CUL1: variants seen among roughly 807,000 people sequenced by gnomAD.
The protein encoded by CUL1 is cullin-1.
A neutral mutation model predicts 118.0 loss-of-function variants in CUL1; 24 were observed. The ratio of observed to expected loss-of-function variants is 0.20; its 90% CI spans 0.15 to 0.29. The LOEUF (loss-of-function observed/expected upper bound fraction) is 0.29. Ranked by LOEUF, CUL1 falls within the 10% of genes least tolerant of loss-of-function variation. The pLI is 1.00. For missense variants in CUL1, 361 were observed against 933.8 expected (o/e 0.39, Z 7.99); for synonymous variants, 332 against 340.4 (o/e 0.98, Z 0.27).
intron 1 of CUL1, among the ~76,000 whole-genome samples, chr7:148,720,628 AG>A (rs1563149623): frequency 1.3e-5 from 2 of 152,230 alleles, no homozygotes; most frequent in Non-Finnish European, 2.9e-5. Flanking sequence ...CGTAACTCCT[AG>A]GATTCCAAGC....
At chr7:148,722,250 G>A (rs1358465197) in intron 1 of CUL1, among the ~76,000 whole-genome samples, 3 of 152,080 alleles carry the variant, frequency 2.0e-5, no homozygotes, top group African/African-American at 7.2e-5. Flanking sequence ...ACTAACACAG[G>A]CCATCAGGTC....
At chr7:148,756,937 A>T in intron 3 of CUL1, 46 bp from the exon 4 acceptor site, 1 of 1,341,976 alleles carries the variant, frequency 7.5e-7, no homozygotes, top group Non-Finnish European at 1.0e-6. Flanking sequence ...TTAATTTATA[A>T]TGTGACAAAT....
At chr7:148,746,926 A>C (rs1178768694) in intron 2 of CUL1, among the ~76,000 whole-genome samples, 1 of 152,180 alleles carries the variant, frequency 6.6e-6, no homozygotes, top group Admixed American at 6.5e-5. Context: ...CTTCAGGTGG[A>C]CCCGAGAGTG....
At chr7:148,774,090 A>T (rs1800317272) in intron 9 of CUL1, among the ~76,000 whole-genome samples, 1 of 152,260 alleles carries the variant, frequency 6.6e-6, no homozygotes, top group Non-Finnish European at 1.5e-5. Context: ...AAATAAGGAT[A>T]TGAGACACAA....
chr7:148,770,402 AAGTT>A (rs1265256479), intron 9 of CUL1, among the ~76,000 whole-genome samples: 2 of 152,324 alleles, frequency 1.3e-5, no homozygotes, highest in African/African-American at 4.8e-5. Context: ...TTTTTTTAGT[AAGTT>A]ACTGATTCTA....
intron 3 of CUL1, among the ~76,000 whole-genome samples, chr7:148,755,542 T>A (rs1799627220): frequency 6.6e-6 from 1 of 152,226 alleles, no homozygotes; most frequent in Non-Finnish European, 1.5e-5. Flanking sequence ...CCCCAAATGG[T>A]GTTTCTAAGG....
chr7:148,779,414 T>G lies in CUL1; in HGVS notation c.1084-4369T>G, dbSNP rs1800534486. Among the ~76,000 whole-genome samples, 3 of 152,138 alleles carry G rather than the reference T, an allele frequency of 2.0e-5. No homozygotes were observed. The South Asian group carries it at 6.2e-4, about 32-fold the overall frequency. On this transcript the variant is annotated intron_variant, in intron 9 of 21. Coordinates refer to ENST00000325222, the MANE Select transcript of CUL1 (RefSeq NM_003592.3). ...GTCTTAACAGGGCAGCCTCGGCCTA[T>G]CTTGGAAATTCAGAGAAAGCATCCC... is the stretch of plus-strand genomic sequence containing the variant.
At chr7:148,702,673 CTT>C (rs1246060138) in intron 1 of CUL1, among the ~76,000 whole-genome samples, 5 of 152,152 alleles carry the variant, frequency 3.3e-5, no homozygotes, top group African/African-American at 7.2e-5. Flanking sequence ...GGATCTGACT[CTT>C]TGCCTTTTCT....
intron 4 of CUL1, among the ~76,000 whole-genome samples, chr7:148,758,349 CT>C (rs1260875543): frequency 1.3e-5 from 2 of 152,190 alleles, no homozygotes; most frequent in African/African-American, 4.8e-5. Context: ...TGTAGCTTCA[CT>C]TTTGACAAAT....
At chr7:148,791,682 C>T (rs1801014366) in intron 16 of CUL1, among the ~76,000 whole-genome samples, 1 of 152,242 alleles carries the variant, frequency 6.6e-6, no homozygotes, top group African/African-American at 2.4e-5. Context: ...TGTCTGTGGG[C>T]CGCCCTGAAA....
At chr7:148,759,082 T>G (rs17537343) in intron 4 of CUL1, among the ~76,000 whole-genome samples, 7,389 of 152,286 alleles carry the variant, frequency 0.049, 273 homozygotes, top group Middle Eastern at 0.078. Context: ...TTAAAGAAAA[T>G]GTAAATAAAG....
rs1734407537 is a variant in CUL1 at position 148,786,698 on chromosome 7, A to C, written c.1347+99A>C. The C allele has an allele frequency of 1.1e-5, 11 of 1,026,320 alleles. No homozygotes were observed. The South Asian group carries it at 1.4e-4, about 13-fold the overall frequency. The allele number at this position is 1,026,320 out of a possible 1,614,324, so 63.6% of individuals were successfully genotyped here. On this transcript the variant is annotated intron_variant, in intron 12 of 21. Coordinates refer to ENST00000325222, the MANE Select transcript of CUL1 (RefSeq NM_003592.3). ...TGGCCTCTGAAATGTGAAAAGTAATAATCATTGATTTTATTTTGAATCTCT... is the reference window on the plus strand; with the variant it reads ...TGGCCTCTGAAATGTGAAAAGTAATCATCATTGATTTTATTTTGAATCTCT...
At position 148,797,847 on chromosome 7, in the gene CUL1, G is replaced by A. The variant is rs1449540525; in HGVS notation, c.1935G>A (p.Lys645=). The change falls in exon 18 of 22, where the codon AAG becomes AAA. Residue 645 remains lysine (K), a synonymous_variant. Coordinates refer to ENST00000325222, the MANE Select transcript of CUL1 (RefSeq NM_003592.3). The stretch of plus-strand genomic sequence containing the variant: ...CGCAAGTTTTACAGATTTTATTAAA[G>A]TCGAAGCTATTGGTAGGTTTGCGCC... ...ILAQVLQILL[K]SKLLVLEDEN... 6.2e-7 allele frequency: 1 copy of A among 1,613,532 alleles called. No homozygotes were observed. The highest frequency in any genetic ancestry group is 2.2e-5 in the East Asian group (1 of 44,856).
intron 2 of CUL1, among the ~76,000 whole-genome samples, chr7:148,742,145 G>C (rs780001808): frequency 5.3e-5 from 8 of 152,122 alleles, no homozygotes; most frequent in Non-Finnish European, 1.2e-4. Flanking sequence ...AAGCCAACTG[G>C]GATTCTGATA....
intron 1 of CUL1, among the ~76,000 whole-genome samples, chr7:148,709,895 C>A (rs760053614): frequency 2.1e-4 from 32 of 152,098 alleles, no homozygotes; most frequent in Admixed American, 5.9e-4. Flanking sequence ...CCAGCCTGGG[C>A]AACGTAGTGA....
chr7:148,707,708 T>C (rs897814780), intron 1 of CUL1, among the ~76,000 whole-genome samples: 3 of 152,194 alleles, frequency 2.0e-5, no homozygotes, highest in South Asian at 2.1e-4. Context: ...GAACACTTTT[T>C]AAACCTGTAA....
chr7:148,758,607 A>G (rs1268190400), intron 4 of CUL1, among the ~76,000 whole-genome samples: 2 of 152,202 alleles, frequency 1.3e-5, no homozygotes, highest in African/African-American at 4.8e-5. Context: ...ACAGAGTGAG[A>G]TCATGTCTCA....
In CUL1 at chr7:148,742,774, G is replaced by A. The variant is rs1409762288; in HGVS notation, c.141-11202G>A. 2.0e-5 allele frequency among the ~76,000 whole-genome samples: 3 copies of A among 151,698 alleles called. No homozygotes were observed. In the South Asian group the frequency reaches 6.2e-4, roughly 32 times the overall value. On this transcript the variant is annotated intron_variant, in intron 2 of 21. Transcript: ENST00000325222. ...GCACCACCACGCCCAGCTAATTTTT[G>A]TATTTTTAGTAGAGACTGGGTGTTT...
At chr7:148,718,955 C>A (rs1416688965) in intron 1 of CUL1, among the ~76,000 whole-genome samples, 2 of 152,148 alleles carry the variant, frequency 1.3e-5, no homozygotes, top group Non-Finnish European at 2.9e-5. Context: ...ATTTTTATTT[C>A]TCTGACTTTA....
Sources: allele counts gnomAD v4.1 joint callset (sites outside exome capture counted in the v4.1 genomes callset), GRCh38; gene constraint gnomAD v4.1.1; transcripts MANE v1.5; gene names NCBI Gene and HGNC (gene_info 2026-07-23, HGNC 2026-07-21).